Variants in NSUN6 observed in about 807,000 individuals in gnomAD.
NSUN6 encodes the protein tRNA (cytosine(72)-C(5))-methyltransferase NSUN6.
In NSUN6, 64 loss-of-function variants were observed where a neutral mutation model predicts 58.0. That is an observed-to-expected ratio of 1.10 (90% CI 0.90 to 1.36). The LOEUF is 1.36. NSUN6 is among the 40% of genes most tolerant of loss of function. The probability of loss-of-function intolerance (pLI) is 0.00; values close to 1 mark genes in which losing one functional copy is unlikely to be tolerated. For missense variants in NSUN6, 701 were observed against 550.1 expected (o/e 1.27, Z -2.74); for synonymous variants, 231 against 193.9 (o/e 1.19, Z -1.59).
At chr10:18,645,708 T>C (rs2059527056) in intron 2 of NSUN6, among the ~76,000 whole-genome samples, 2 of 152,196 alleles carry the variant, frequency 1.3e-5, no homozygotes, top group African/African-American at 2.4e-5. Flanking sequence ...AGAATTTATA[T>C]GAACATATGT....
chr10:18,646,088 G>C (rs149720165), intron 2 of NSUN6, among the ~76,000 whole-genome samples: 1 of 151,928 alleles, frequency 6.6e-6, no homozygotes, highest in South Asian at 2.1e-4. Context: ...CCAGCTACTC[G>C]GGAGGCTAAG....
intron 3 of NSUN6, among the ~76,000 whole-genome samples, chr10:18,618,465 T>C (rs1277891786): frequency 6.6e-6 from 1 of 151,948 alleles, no homozygotes; most frequent in African/African-American, 2.4e-5. Context: ...GTGGATCACA[T>C]GAGGTTGGGA....
intron 3 of NSUN6, among the ~76,000 whole-genome samples, chr10:18,641,829 G>C (rs1315322298): frequency 6.6e-6 from 1 of 152,180 alleles, no homozygotes; most frequent in African/African-American, 2.4e-5. Flanking sequence ...AATACTTTGA[G>C]AGGCTAAGGT....
At chr10:18,623,772 GA>G (rs2058691437) in intron 3 of NSUN6, among the ~76,000 whole-genome samples, 1 of 152,152 alleles carries the variant, frequency 6.6e-6, no homozygotes, top group Non-Finnish European at 1.5e-5. Flanking sequence ...GAGATTAAAT[GA>G]AAAAGAAAGC....
chr10:18,651,592 T>C, upstream of NSUN6: 1 of 988,012 alleles, frequency 1.0e-6, no homozygotes, highest in Non-Finnish European at 1.2e-6. Context: ...TCTATCAATT[T>C]CCAAACACGC....
At position 18,634,216 on chromosome 10, in the gene NSUN6, G is replaced by A. The variant is rs2059135031; in HGVS notation, c.311+8260C>T. Among the ~76,000 whole-genome samples the A allele has an allele frequency of 2.0e-5, 3 of 152,022 alleles. No homozygotes were observed. The South Asian group carries it at 6.2e-4, about 32-fold the overall frequency. On this transcript the variant is annotated intron_variant, in intron 3 of 10. Transcript: ENST00000377304. ...CTCTGTATTTTCAGAGAAATTAAAG[G>A]AAAAACCTCATAAAAGGGATAAAAG... is the stretch of plus-strand genomic sequence containing the variant.
At chr10:18,559,294 T>C (rs1188276769) in intron 8 of NSUN6, among the ~76,000 whole-genome samples, 2 of 147,386 alleles carry the variant, frequency 1.4e-5, no homozygotes, top group African/African-American at 2.5e-5. Context: ...TTGAATGGAA[T>C]GGAGAATGGA....
chr10:18,558,700 A>G (rs12570793), intron 8 of NSUN6, among the ~76,000 whole-genome samples: 2 of 142,400 alleles, frequency 1.4e-5, no homozygotes, highest in African/African-American at 2.6e-5. Flanking sequence ...GAATGGCGGA[A>G]GGAATGGAAT....
chr10:18,596,097 T>C, intron 7 of NSUN6, 111 bp downstream of exon 7: 2 of 840,900 alleles, frequency 2.4e-6, no homozygotes, highest in South Asian at 3.4e-5. Context: ...TAGTTTTCAT[T>C]TTGGCTGAAT....
intron 3 of NSUN6, among the ~76,000 whole-genome samples, chr10:18,633,963 T>C (rs182119475): frequency 5.9e-5 from 9 of 152,286 alleles, no homozygotes; most frequent in African/African-American, 1.2e-4. Context: ...CAGAGAAGAT[T>C]TGCAGTACTT....
At chr10:18,585,879 C>G (rs563504961) in intron 8 of NSUN6, 70 bp downstream of exon 8, 2 of 1,184,172 alleles carry the variant, frequency 1.7e-6, no homozygotes, top group East Asian at 4.8e-5. Flanking sequence ...ATATACATGT[C>G]AAAACATCAC....
At position 18,592,002 on chromosome 10, in the gene NSUN6, T is replaced by C. The variant is rs910124353; in HGVS notation, c.777+4206A>G. Among the ~76,000 whole-genome samples the C allele has an allele frequency of 7.2e-5, 11 of 152,248 alleles. No individual in the cohort carries two copies. In the South Asian group the frequency reaches 1.2e-3, roughly 17 times the overall value. On this transcript the variant is annotated intron_variant, in intron 7 of 10. Coordinates refer to ENST00000377304, the MANE Select transcript of NSUN6 (RefSeq NM_182543.5). ...TCAGCCCAAAAACTCCTTAGGCTGA[T>C]AAGCAACTTCAGCAAAGTCTCAGGA...
At chr10:18,556,146 G>A (rs943911931) in intron 8 of NSUN6, among the ~76,000 whole-genome samples, 1 of 150,208 alleles carries the variant, frequency 6.7e-6, no homozygotes, top group Non-Finnish European at 1.5e-5. Context: ...ATGGAGAATG[G>A]AATGGAATGG....
intron 8 of NSUN6, among the ~76,000 whole-genome samples, chr10:18,573,081 CCACTCCATTCCATTCCATCCTCCGTTA>C (rs1385073521): frequency 1.1e-4 from 16 of 151,294 alleles, no homozygotes; most frequent in African/African-American, 3.4e-4. Flanking sequence ...ATTCTCCGTT[CCACTCCATTCCATTCCATCCTCCGTTA>C]CACTCCATTC....
At chr10:18,617,323 G>A (rs1284566298) in intron 3 of NSUN6, among the ~76,000 whole-genome samples, 9 of 151,788 alleles carry the variant, frequency 5.9e-5, no homozygotes, top group Admixed American at 5.3e-4. Context: ...GAGTAACTGG[G>A]ATTACAGGTG....
chr10:18,590,614 G>A (rs529722353), intron 7 of NSUN6, among the ~76,000 whole-genome samples: 7 of 152,068 alleles, frequency 4.6e-5, no homozygotes, highest in South Asian at 2.1e-4. Flanking sequence ...ACTCAAAACC[G>A]CACGACTACA....
At chr10:18,596,710 C>T (rs2057600666) in intron 6 of NSUN6, among the ~76,000 whole-genome samples, 1 of 152,284 alleles carries the variant, frequency 6.6e-6, no homozygotes, top group South Asian at 2.1e-4. Context: ...TGCAGGACCA[C>T]TCTGGACTTT....
chr10:18,659,272 G>A (rs888890485), upstream of NSUN6: 13 of 258,716 alleles, frequency 5.0e-5, no homozygotes, highest in African/African-American at 2.7e-4. Flanking sequence ...GAAGGCGTGG[G>A]TTGCCGTAAG....
chr10:18,643,464 A>C (rs2059448001), intron 2 of NSUN6, among the ~76,000 whole-genome samples: 8 of 152,172 alleles, frequency 5.3e-5, no homozygotes. Flanking sequence ...CACAGGATTC[A>C]TACACTATCT....
Sources: gnomAD v4.1 joint callset for allele counts (sites outside exome capture counted in the v4.1 genomes callset) on GRCh38, gnomAD v4.1.1 for gene constraint, MANE v1.5 for transcripts, NCBI Gene and HGNC (gene_info 2026-07-23, HGNC 2026-07-21) for gene names.